Variants in CCDC192 observed in about 807,000 individuals in gnomAD.
CCDC192 encodes the protein coiled-coil domain-containing protein 192.
chr5:127,776,192 T>G (rs561542219), intron 3 of CCDC192, among the ~76,000 whole-genome samples: 1 of 152,204 alleles, frequency 6.6e-6, no homozygotes, highest in African/African-American at 2.4e-5. Flanking sequence ...TTGAATGGCT[T>G]TGACAAAAAT....
chr5:127,742,254 A>G (rs1753460947), intron 2 of CCDC192, among the ~76,000 whole-genome samples: 1 of 152,210 alleles, frequency 6.6e-6, no homozygotes, highest in Non-Finnish European at 1.5e-5. Flanking sequence ...CAAATGTCAC[A>G]TGGGCATTTC....
chr5:127,702,756 G>A (rs1750758471), upstream of CCDC192, among the ~76,000 whole-genome samples: 1 of 152,210 alleles, frequency 6.6e-6, no homozygotes, highest in Non-Finnish European at 1.5e-5. Flanking sequence ...AGAAAGTGAA[G>A]CGGATACAGG....
rs11344791 is a variant in CCDC192, at chr5:127,904,495, C to CT, written c.535+28857dup. ...CTGAAAAGCCTCATTTTGGCAGAGA[C>CT]TTTTTTTTTTTTTTTTTTTTTTTCT... is the stretch of plus-strand genomic sequence containing the variant. On this transcript the variant is annotated intron_variant, in intron 6 of 6. Transcript: ENST00000514853. 7.6e-3 allele frequency among the ~76,000 whole-genome samples: 878 copies of CT among 115,788 alleles called. 10 individuals are homozygous for CT. The highest frequency in any genetic ancestry group is 0.013 in the African/African-American group (376 of 28,322). 76.0% of individuals were successfully genotyped at this position (115,788 alleles called of 152,430 possible).
chr5:127,862,495 A>G (rs60731825), intron 5 of CCDC192, among the ~76,000 whole-genome samples: 2,729 of 152,352 alleles, frequency 0.018, 98 homozygotes, highest in African/African-American at 0.063. Context: ...AGAACCAACC[A>G]GAAAGCCTAA....
At chr5:127,782,106 G>GT (rs1756261457) in intron 3 of CCDC192, among the ~76,000 whole-genome samples, 1 of 152,116 alleles carries the variant, frequency 6.6e-6, no homozygotes. Context: ...TTTTAATTCT[G>GT]TTTTTGTGGT....
chr5:127,893,596 A>T (rs78751387), intron 6 of CCDC192, among the ~76,000 whole-genome samples: 6 of 152,368 alleles, frequency 3.9e-5, no homozygotes, highest in Non-Finnish European at 7.3e-5. Context: ...TGGAAATATC[A>T]AATGAGCCAG....
chr5:127,725,637 A>G (rs1470809771), intron 2 of CCDC192, among the ~76,000 whole-genome samples: 1 of 152,184 alleles, frequency 6.6e-6, no homozygotes, highest in Non-Finnish European at 1.5e-5. Flanking sequence ...AAGTACCTGA[A>G]TGTCACATGT....
intron 5 of CCDC192, among the ~76,000 whole-genome samples, chr5:127,834,951 A>G (rs151849): frequency 0.29 from 44,376 of 152,124 alleles, 6,642 homozygotes; most frequent in South Asian, 0.45. Context: ...AGTTATTAGT[A>G]AACTTGACAT....
intron 5 of CCDC192, among the ~76,000 whole-genome samples, chr5:127,864,513 G>C (rs1440784207): frequency 6.6e-6 from 1 of 152,184 alleles, no homozygotes; most frequent in African/African-American, 2.4e-5. Flanking sequence ...ATTTGTAATG[G>C]AATTAGTTAA....
chr5:127,906,509 G>A (rs1332705443), intron 6 of CCDC192, among the ~76,000 whole-genome samples: 1 of 152,100 alleles, frequency 6.6e-6, no homozygotes, highest in Non-Finnish European at 1.5e-5. Context: ...TTTGAGGCTA[G>A]GTGCAGTGGC....
At chr5:127,873,926 C>T (rs534298265) in intron 5 of CCDC192, among the ~76,000 whole-genome samples, 2 of 152,284 alleles carry the variant, frequency 1.3e-5, no homozygotes, top group South Asian at 2.1e-4. Context: ...AATACCCAGA[C>T]ATATTTCTTG....
At chr5:127,783,911 T>G (rs1351872608) in intron 3 of CCDC192, among the ~76,000 whole-genome samples, 2 of 152,228 alleles carry the variant, frequency 1.3e-5, no homozygotes, top group Non-Finnish European at 2.9e-5. Context: ...TTTTAACTGC[T>G]GTTGCTTTAA....
At chr5:127,762,327 T>C (rs933056121) in intron 3 of CCDC192, among the ~76,000 whole-genome samples, 4 of 152,200 alleles carry the variant, frequency 2.6e-5, no homozygotes, top group African/African-American at 9.7e-5. Flanking sequence ...GGAACTTCAT[T>C]AAACAATTTG....
intron 1 of CCDC192, among the ~76,000 whole-genome samples, chr5:127,704,640 T>G (rs1750856700): frequency 6.6e-6 from 1 of 152,170 alleles, no homozygotes; most frequent in Non-Finnish European, 1.5e-5. Context: ...GTGCAAAGGA[T>G]TCCATAAGCC....
chr5:127,879,233 A>G (rs1230448134), intron 6 of CCDC192, among the ~76,000 whole-genome samples: 1 of 151,744 alleles, frequency 6.6e-6, no homozygotes. Context: ...TGGTACCAAA[A>G]CAGAGATATA....
chr5:127,819,234 C>T (rs1008050799), intron 5 of CCDC192, among the ~76,000 whole-genome samples: 13 of 152,260 alleles, frequency 8.5e-5, no homozygotes, highest in East Asian at 3.9e-4. Flanking sequence ...TACTAGGAAG[C>T]GCGCTAACAA....
intron 5 of CCDC192, among the ~76,000 whole-genome samples, chr5:127,842,962 A>C (rs1750354946): frequency 6.6e-6 from 1 of 151,396 alleles, no homozygotes; most frequent in Non-Finnish European, 1.5e-5. Context: ...TTGGAGTTTC[A>C]TGGCATCTGT....
chr5:127,872,620 G>A (rs1751909251), intron 5 of CCDC192, among the ~76,000 whole-genome samples: 1 of 152,162 alleles, frequency 6.6e-6, no homozygotes, highest in Admixed American at 6.5e-5. Flanking sequence ...AGAGCAGGAG[G>A]TCTTTGCCAG....
intron 6 of CCDC192, among the ~76,000 whole-genome samples, chr5:127,930,894 G>A (rs573184145): frequency 5.9e-5 from 9 of 152,294 alleles, no homozygotes; most frequent in Admixed American, 2.0e-4. Context: ...ATTTTGTGGC[G>A]TCATCTTTGA....
Sources: gnomAD v4.1 joint callset for allele counts (sites outside exome capture counted in the v4.1 genomes callset) on GRCh38, gnomAD v4.1.1 for gene constraint, MANE v1.5 for transcripts, NCBI Gene and HGNC (gene_info 2026-07-23, HGNC 2026-07-21) for gene names.